The following ENOX1 variants were observed in gnomAD, a reference collection of about 807,000 sequenced individuals.
ENOX1 encodes the protein candidate growth-related and time keeping constitutive hydroquinone (NADH) oxidase.
ENOX1 carries 42 observed loss-of-function variants against 82.5 expected under a neutral mutation model. The ratio of observed to expected loss-of-function variants is 0.51; its 90% CI spans 0.40 to 0.66. The LOEUF is 0.66. Among genes scored for constraint, ENOX1 ranks in the 30% least tolerant of loss-of-function variants. ENOX1 has a pLI of 0.00. For missense variants in ENOX1, 608 were observed against 811.6 expected (o/e 0.75, Z 3.05); for synonymous variants, 271 against 282.2 (o/e 0.96, Z 0.40).
At chr13:43,654,344 C>T (rs749303085) in intron 2 of ENOX1, among the ~76,000 whole-genome samples, 1 of 152,206 alleles carries the variant, frequency 6.6e-6, no homozygotes, top group Non-Finnish European at 1.5e-5. Context: ...TTTCAGACTG[C>T]TGCCCTGCCC....
intron 3 of ENOX1, among the ~76,000 whole-genome samples, chr13:43,468,565 G>A (rs763895243): frequency 5.3e-5 from 8 of 151,434 alleles, no homozygotes; most frequent in East Asian, 1.9e-4. Context: ...AGAATCAGGA[G>A]GATAGCTTGA....
chr13:43,748,443 A>G (rs1950140768), intron 1 of ENOX1, among the ~76,000 whole-genome samples: 1 of 152,240 alleles, frequency 6.6e-6, no homozygotes, highest in African/African-American at 2.4e-5. Context: ...AAAAAGTTCT[A>G]AACTAATGGC....
intron 15 of ENOX1, among the ~76,000 whole-genome samples, chr13:43,227,965 T>A (rs752422300): frequency 1.3e-5 from 2 of 152,112 alleles, no homozygotes; most frequent in Non-Finnish European, 2.9e-5. Context: ...CACTCCTGCA[T>A]CTGTCCATCC....
intron 2 of ENOX1, among the ~76,000 whole-genome samples, chr13:43,517,087 C>G (rs1178235827): frequency 6.6e-6 from 1 of 152,190 alleles, no homozygotes; most frequent in Non-Finnish European, 1.5e-5. Flanking sequence ...ATGGAAGGCA[C>G]AGATTACCAC....
At chr13:43,257,663 G>A (rs2153474208) in intron 14 of ENOX1, among the ~76,000 whole-genome samples, 1 of 152,256 alleles carries the variant, frequency 6.6e-6, no homozygotes, top group South Asian at 2.1e-4. Context: ...TCCACAAAAA[G>A]AAAATGGTAC....
intron 2 of ENOX1, chr13:43,546,262 A>T (rs937687358): frequency 1.3e-5 from 2 of 152,278 alleles, no homozygotes; most frequent in East Asian, 3.9e-4. Flanking sequence ...CAGCAGATTT[A>T]GGGAAGGCCT....
intron 3 of ENOX1, among the ~76,000 whole-genome samples, chr13:43,432,439 G>T (rs1251599915): frequency 6.6e-6 from 1 of 152,042 alleles, no homozygotes; most frequent in East Asian, 1.9e-4. Context: ...GCCAGTTCGA[G>T]ACCAGCCTGG....
chr13:43,470,375 TACATATATATAC>T lies in ENOX1; in HGVS notation c.-75+13622_-75+13633del, dbSNP rs1411757270. Among the ~76,000 whole-genome samples the T allele has an allele frequency of 4.7e-4, 40 of 85,638 alleles. 8 individuals are homozygous for T. Among genetic ancestry groups the T allele is most frequent in the South Asian group, 2.9e-3 (7 of 2,396 alleles). The allele number at this position is 85,638 out of a possible 152,430, so 56.2% of individuals were successfully genotyped here. A position where few individuals can be genotyped will look rare whatever the true frequency, so the allele number is the denominator to read the frequency against. On this transcript the variant is annotated intron_variant, in intron 3 of 16. Transcript: ENST00000690772. Reference sequence around the variant, plus strand: ...ATATGTATATATATACGTATATATATACATATATATACGTATATATATGTGTATATATATATA... The same window carrying T: ...ATATGTATATATATACGTATATATATGTATATATATGTGTATATATATATA...
At chr13:43,334,884 G>A (rs1250776924) in intron 9 of ENOX1, among the ~76,000 whole-genome samples, 1 of 152,130 alleles carries the variant, frequency 6.6e-6, no homozygotes, top group East Asian at 1.9e-4. Context: ...CAGAAGTGGG[G>A]CCAAGGGAGT....
chr13:43,279,712 T>C (rs1040707618), intron 12 of ENOX1, among the ~76,000 whole-genome samples: 1 of 152,200 alleles, frequency 6.6e-6, no homozygotes, highest in African/African-American at 2.4e-5. Context: ...TAAATGAAAG[T>C]GCTGTCATTA....
intron 3 of ENOX1, among the ~76,000 whole-genome samples, chr13:43,435,018 A>G (rs537227911): frequency 2.7e-5 from 4 of 146,336 alleles, no homozygotes; most frequent in Admixed American, 2.1e-4. Context: ...ATTTGTACAC[A>G]AGAGGCAAGG....
intron 2 of ENOX1, among the ~76,000 whole-genome samples, chr13:43,536,874 T>C (rs2078483137): frequency 6.6e-6 from 1 of 152,196 alleles, no homozygotes; most frequent in South Asian, 2.1e-4. Flanking sequence ...ATGTATCAGA[T>C]ACATATGGAG....
chr13:43,495,471 A>G (rs1240995868), intron 2 of ENOX1, among the ~76,000 whole-genome samples: 1 of 152,134 alleles, frequency 6.6e-6, no homozygotes, highest in Non-Finnish European at 1.5e-5. Flanking sequence ...TGTAATGATT[A>G]TAATTCTTGT....
intron 2 of ENOX1, among the ~76,000 whole-genome samples, chr13:43,563,905 TC>T (rs1426277005): frequency 2.6e-5 from 4 of 151,472 alleles, no homozygotes; most frequent in Non-Finnish European, 5.9e-5. Flanking sequence ...CGCTGAATTC[TC>T]CCAAACATTT....
intron 2 of ENOX1, among the ~76,000 whole-genome samples, chr13:43,549,258 C>G (rs2079091016): frequency 6.6e-6 from 1 of 152,170 alleles, no homozygotes; most frequent in African/African-American, 2.4e-5. Flanking sequence ...TCTGAAATAT[C>G]AATGAAACAG....
intron 1 of ENOX1, among the ~76,000 whole-genome samples, chr13:43,775,678 C>T (rs940366373): frequency 7.2e-5 from 11 of 152,144 alleles, no homozygotes; most frequent in Admixed American, 7.2e-4. Context: ...TTAATTGAGG[C>T]TCCAGCTTCC....
chr13:43,782,211 T>C (rs1195682224), intron 1 of ENOX1, among the ~76,000 whole-genome samples: 1 of 152,204 alleles, frequency 6.6e-6, no homozygotes, highest in East Asian at 1.9e-4. Context: ...GGGAAGTTAA[T>C]TAAATCTCAA....
intron 1 of ENOX1, among the ~76,000 whole-genome samples, chr13:43,763,107 G>A (rs1951076778): frequency 6.6e-6 from 1 of 152,246 alleles, no homozygotes; most frequent in Non-Finnish European, 1.5e-5. Flanking sequence ...TCCGAGGGAA[G>A]TTAGGCTTAA....
rs533813939 is a variant in ENOX1, at chr13:43,704,993, C to T, written c.-284-37449G>A. Reference sequence around the variant, plus strand: ...CAAAAACAGTTCTACCCTAACAAAGCCTAATATTGACCAGTAACATAATTG... The same window carrying T: ...CAAAAACAGTTCTACCCTAACAAAGTCTAATATTGACCAGTAACATAATTG... On this transcript the variant is annotated intron_variant, in intron 1 of 16. Coordinates refer to ENST00000690772, the MANE Select transcript of ENOX1 (RefSeq NM_001347969.2). Among the ~76,000 whole-genome samples, 3 of 151,920 alleles carry T rather than the reference C, an allele frequency of 2.0e-5. No homozygotes were observed. In the South Asian group the frequency reaches 6.3e-4, roughly 32 times the overall value.
Sources: gnomAD v4.1 joint callset for allele counts (sites outside exome capture counted in the v4.1 genomes callset) on GRCh38, gnomAD v4.1.1 for gene constraint, MANE v1.5 for transcripts, NCBI Gene and HGNC (gene_info 2026-07-23, HGNC 2026-07-21) for gene names.